The following RAB38 variants were observed in gnomAD, a reference collection of about 807,000 sequenced individuals.
RAB38 encodes the protein RAB38, member RAS oncogene family.
Under a neutral mutation model 18.4 loss-of-function variants are expected in RAB38, and 15 were observed. The ratio of observed to expected loss-of-function variants is 0.82; its 90% CI spans 0.55 to 1.26. The LOEUF (loss-of-function observed/expected upper bound fraction) is 1.26. Among genes scored for constraint, RAB38 ranks in the 50% most tolerant of loss-of-function variants. The pLI, the probability that RAB38 is intolerant of heterozygous loss-of-function variation, is 0.00. For missense variants in RAB38, 294 were observed against 267.4 expected, an observed-to-expected ratio of 1.10 and a Z score of -0.69; for synonymous variants, 101 against 104.4, an observed-to-expected ratio of 0.97 and a Z score of 0.20.
At chr11:88,007,926 A>G in the RAB38 span, among the ~76,000 whole-genome samples, 15,269 of 152,198 alleles carry the variant, frequency 0.1, 944 homozygotes, top group South Asian at 0.18. Flanking sequence ...AACCACTGTA[A>G]ATGAAACAAT....
chr11:87,882,504 G>C, the RAB38 span, among the ~76,000 whole-genome samples: 7 of 151,804 alleles, frequency 4.6e-5, no homozygotes, highest in Non-Finnish European at 7.4e-5. Flanking sequence ...CACTCTAGTA[G>C]GTAATGTAAT....
chr11:87,948,949 G>C, the RAB38 span, among the ~76,000 whole-genome samples: 2 of 152,154 alleles, frequency 1.3e-5, no homozygotes, highest in Admixed American at 6.5e-5. Context: ...GATTGGAATA[G>C]TCTCAGAAGG....
At chr11:87,824,982 G>A in the RAB38 span, among the ~76,000 whole-genome samples, 1 of 151,868 alleles carries the variant, frequency 6.6e-6, no homozygotes, top group Non-Finnish European at 1.5e-5. Flanking sequence ...TTTTGAAAGA[G>A]AGAGAGAGAG....
the RAB38 span, chr11:87,879,917 C>A: frequency 6.6e-5 from 10 of 151,586 alleles, 1 homozygote; most frequent in East Asian, 2.0e-3. Context: ...TATTATAGAT[C>A]TCCTATAATA....
At chr11:88,163,679 T>G (rs2134848524) in intron 1 of RAB38, among the ~76,000 whole-genome samples, 1 of 152,278 alleles carries the variant, frequency 6.6e-6, no homozygotes, top group Admixed American at 6.5e-5. Flanking sequence ...ATAATTACCT[T>G]ATAGAACAAA....
the RAB38 span, among the ~76,000 whole-genome samples, chr11:87,970,225 A>G: frequency 1.4e-4 from 22 of 152,184 alleles, no homozygotes; most frequent in African/African-American, 5.1e-4. Flanking sequence ...TTAATGTGGT[A>G]TTTTAAAAAT....
the RAB38 span, among the ~76,000 whole-genome samples, chr11:87,907,254 C>T: frequency 6.6e-6 from 1 of 151,876 alleles, no homozygotes; most frequent in Non-Finnish European, 1.5e-5. Flanking sequence ...ATACGTGAAA[C>T]ACAGAAATTT....
the RAB38 span, among the ~76,000 whole-genome samples, chr11:88,053,202 GAA>G: frequency 1.1e-5 from 1 of 92,098 alleles, no homozygotes; most frequent in African/African-American, 4.5e-5. Context: ...CATATATATG[GAA>G]TATATATATA....
the RAB38 span, among the ~76,000 whole-genome samples, chr11:87,832,760 G>T: frequency 1.4e-5 from 2 of 147,410 alleles, no homozygotes; most frequent in African/African-American, 5.2e-5. Context: ...GACTAGATTG[G>T]ATCCACCTAG....
chr11:87,920,236 C>T, the RAB38 span, among the ~76,000 whole-genome samples: 1 of 151,606 alleles, frequency 6.6e-6, no homozygotes, highest in Non-Finnish European at 1.5e-5. Context: ...TTAATGTTAG[C>T]TTATTTGGGA....
At chr11:88,022,929 T>C in the RAB38 span, among the ~76,000 whole-genome samples, 1 of 152,118 alleles carries the variant, frequency 6.6e-6, no homozygotes, top group East Asian at 1.9e-4. Context: ...ATGTCCTCAC[T>C]TATAAGTGGG....
the RAB38 span, among the ~76,000 whole-genome samples, chr11:87,940,953 C>T: frequency 2.6e-5 from 4 of 151,698 alleles, no homozygotes; most frequent in Non-Finnish European, 4.4e-5. Flanking sequence ...TACATACTTA[C>T]TTGGTAAATG....
the RAB38 span, among the ~76,000 whole-genome samples, chr11:88,086,736 A>G: frequency 6.6e-6 from 1 of 151,888 alleles, no homozygotes; most frequent in Non-Finnish European, 1.5e-5. Flanking sequence ...AGATAGATAG[A>G]GGATTTCTTT....
chr11:87,927,073 C>T, the RAB38 span, among the ~76,000 whole-genome samples: 4 of 151,980 alleles, frequency 2.6e-5, no homozygotes, highest in East Asian at 1.9e-4. Flanking sequence ...ACTCATTTAT[C>T]GCAGGAGGCT....
At chr11:88,170,447 A>T (rs1230414127) in intron 1 of RAB38, among the ~76,000 whole-genome samples, 1 of 152,232 alleles carries the variant, frequency 6.6e-6, no homozygotes, top group East Asian at 1.9e-4. Context: ...AATCGGTACT[A>T]AAGAGATAGT....
At chr11:88,008,866 G>A in the RAB38 span, among the ~76,000 whole-genome samples, 1 of 152,116 alleles carries the variant, frequency 6.6e-6, no homozygotes, top group South Asian at 2.1e-4. Flanking sequence ...TAGAGACGGG[G>A]TTTCACCATG....
chr11:87,971,870 A>C, the RAB38 span, among the ~76,000 whole-genome samples: 1 of 151,976 alleles, frequency 6.6e-6, no homozygotes, highest in Admixed American at 6.6e-5. Flanking sequence ...GACAGAATGC[A>C]CATGTTCATT....
the RAB38 span, among the ~76,000 whole-genome samples, chr11:87,830,698 T>C: frequency 6.6e-6 from 1 of 152,174 alleles, no homozygotes; most frequent in Non-Finnish European, 1.5e-5. Flanking sequence ...ATAGGATTGA[T>C]AGATTATAAT....
At chr11:87,860,605 AC>A in the RAB38 span, among the ~76,000 whole-genome samples, 1 of 151,946 alleles carries the variant, frequency 6.6e-6, no homozygotes, top group East Asian at 1.9e-4. Flanking sequence ...ATGAATTGAA[AC>A]CTTTGTAAAT....
Sources: gnomAD v4.1 joint callset for allele counts (sites outside exome capture counted in the v4.1 genomes callset) on GRCh38, gnomAD v4.1.1 for gene constraint, MANE v1.5 for transcripts, NCBI Gene and HGNC (gene_info 2026-07-23, HGNC 2026-07-21) for gene names.